The following DNAJC1 variants were observed in gnomAD, a reference collection of about 807,000 sequenced individuals.
The protein encoded by DNAJC1 is dnaJ homolog subfamily C member 1.
Under a neutral mutation model 76.6 loss-of-function variants are expected in DNAJC1, and 58 were observed. That is an observed-to-expected ratio of 0.76 (90% CI 0.61 to 0.94). The LOEUF (loss-of-function observed/expected upper bound fraction) is 0.94, where lower values mean the gene tolerates loss of function less well. DNAJC1 is among the 40% of genes least tolerant of loss of function. The pLI, the probability that DNAJC1 is intolerant of heterozygous loss-of-function variation, is 0.00. For synonymous variants in DNAJC1, 258 were observed against 267.9 expected (o/e 0.96, Z 0.36); for missense variants, 689 against 677.3 (o/e 1.02, Z -0.19).
At chr10:21,857,885 A>C (rs1011031422) in intron 8 of DNAJC1, among the ~76,000 whole-genome samples, 3 of 152,006 alleles carry the variant, frequency 2.0e-5, no homozygotes, top group Admixed American at 6.6e-5. Flanking sequence ...AAAAAAAAAA[A>C]CCGGGTATGT....
intron 8 of DNAJC1, among the ~76,000 whole-genome samples, chr10:21,842,420 C>A (rs1034998334): frequency 6.6e-6 from 1 of 152,110 alleles, no homozygotes; most frequent in Admixed American, 6.6e-5. Flanking sequence ...CCAGGATAAA[C>A]TGGACTTGTA....
At chr10:21,838,861 T>C (rs948346414) in intron 8 of DNAJC1, among the ~76,000 whole-genome samples, 17 of 152,132 alleles carry the variant, frequency 1.1e-4, no homozygotes, top group Non-Finnish European at 2.2e-4. Flanking sequence ...TAAAGCACTC[T>C]TCAGCAAATG....
chr10:21,980,093 A>G (rs1838128887), intron 1 of DNAJC1, among the ~76,000 whole-genome samples: 1 of 152,046 alleles, frequency 6.6e-6, no homozygotes, highest in Non-Finnish European at 1.5e-5. Flanking sequence ...ACACTATTCT[A>G]TATTATTAGC....
chr10:21,769,815 T>C (rs1234129186), intron 9 of DNAJC1, among the ~76,000 whole-genome samples: 1 of 152,078 alleles, frequency 6.6e-6, no homozygotes, highest in Non-Finnish European at 1.5e-5. Context: ...GCCTCCTGAG[T>C]AGCTGGGATT....
chr10:21,904,816 GTA>G lies in DNAJC1; in HGVS notation c.730-206_730-205del, dbSNP rs376199935. Among the ~76,000 whole-genome samples the G allele has an allele frequency of 5.4e-4, 82 of 152,190 alleles. 2 individuals are homozygous for G. The East Asian group carries it at 0.011, about 21-fold the overall frequency. ...CCAGTTACAATGAGAAATTTTATGA[GTA>G]TAATTTTAAACTATTTTTTCTCTCA... On this transcript the variant is annotated intron_variant, in intron 6 of 11. Coordinates refer to ENST00000376980, the MANE Select transcript of DNAJC1 (RefSeq NM_022365.4).
At chr10:21,922,488 A>G (rs954146735) in intron 3 of DNAJC1, among the ~76,000 whole-genome samples, 1 of 152,020 alleles carries the variant, frequency 6.6e-6, no homozygotes, top group African/African-American at 2.4e-5. Context: ...GAGTCTACAA[A>G]GTAATGTATG....
intron 1 of DNAJC1, among the ~76,000 whole-genome samples, chr10:22,002,308 C>G (rs919640334): frequency 6.6e-6 from 1 of 152,112 alleles, no homozygotes; most frequent in African/African-American, 2.4e-5. Flanking sequence ...ACCCCATAAG[C>G]CTGAAATCAG....
chr10:21,922,800 A>G (rs1289642047), intron 3 of DNAJC1, among the ~76,000 whole-genome samples: 3 of 151,992 alleles, frequency 2.0e-5, no homozygotes, highest in South Asian at 2.1e-4. Flanking sequence ...TGAGGGAGAA[A>G]AAAGGTGAAT....
intron 7 of DNAJC1, among the ~76,000 whole-genome samples, chr10:21,885,656 C>G (rs559867691): frequency 6.6e-6 from 1 of 152,114 alleles, no homozygotes; most frequent in African/African-American, 2.4e-5. Flanking sequence ...AACCACAGTG[C>G]AATAAAAACA....
intron 1 of DNAJC1, among the ~76,000 whole-genome samples, chr10:21,989,021 T>A (rs1477266866): frequency 1.3e-5 from 2 of 152,186 alleles, no homozygotes; most frequent in South Asian, 4.1e-4. Flanking sequence ...GGGATTTGAT[T>A]ATTTTAGAAA....
At chr10:21,857,498 T>C (rs1423719497) in intron 8 of DNAJC1, among the ~76,000 whole-genome samples, 1 of 152,162 alleles carries the variant, frequency 6.6e-6, no homozygotes, top group Non-Finnish European at 1.5e-5. Flanking sequence ...TTTTGTATCA[T>C]TCTTTAATAT....
At chr10:21,794,864 C>T (rs1834734937) in intron 9 of DNAJC1, among the ~76,000 whole-genome samples, 1 of 152,038 alleles carries the variant, frequency 6.6e-6, no homozygotes, top group South Asian at 2.1e-4. Flanking sequence ...AGTATTCCTT[C>T]TCCAAAATGC....
At chr10:21,879,471 A>T (rs972401902) in intron 8 of DNAJC1, among the ~76,000 whole-genome samples, 1 of 152,094 alleles carries the variant, frequency 6.6e-6, no homozygotes, top group African/African-American at 2.4e-5. Context: ...CAAAAGTACA[A>T]AAATCAGCAG....
intron 9 of DNAJC1, among the ~76,000 whole-genome samples, chr10:21,769,108 C>T (rs1013770074): frequency 6.6e-6 from 1 of 152,134 alleles, no homozygotes; most frequent in Non-Finnish European, 1.5e-5. Context: ...AGAAGTGTTC[C>T]TCAACATTCT....
chr10:21,830,099 T>C (rs1375202746), intron 8 of DNAJC1, among the ~76,000 whole-genome samples: 1 of 152,226 alleles, frequency 6.6e-6, no homozygotes, highest in Non-Finnish European at 1.5e-5. Flanking sequence ...TTAGTTTTAG[T>C]TTGTTTTACC....
intron 9 of DNAJC1, among the ~76,000 whole-genome samples, chr10:21,795,210 A>T (rs933485741): frequency 1.3e-5 from 2 of 152,248 alleles, no homozygotes; most frequent in African/African-American, 2.4e-5. Context: ...TGTTCATGGC[A>T]GTATTATTCT....
chr10:21,877,218 G>A (rs146726501), intron 8 of DNAJC1, among the ~76,000 whole-genome samples: 1,756 of 152,124 alleles, frequency 0.012, 18 homozygotes, highest in Non-Finnish European at 0.02. Flanking sequence ...AGGCTGCAGG[G>A]AGCCGTGATT....
intron 9 of DNAJC1, among the ~76,000 whole-genome samples, chr10:21,793,308 T>G (rs1290041245): frequency 6.6e-6 from 1 of 152,040 alleles, no homozygotes; most frequent in South Asian, 2.1e-4. Flanking sequence ...ATCTCAGGGG[T>G]TGGGGGGCCG....
rs868785868 is a variant in DNAJC1, at chr10:21,918,660, A to G, written c.729+119T>C. On this transcript the variant is annotated intron_variant, in intron 6 of 11. Coordinates refer to ENST00000376980, the MANE Select transcript of DNAJC1 (RefSeq NM_022365.4). ...GTTTAACTTATAAAAATCCTACTCA[A>G]TCAACATTATAAAGCATCCACTGCA... The G allele has an allele frequency of 4.6e-5, 30 of 646,990 alleles. No homozygotes were observed. The Middle Eastern group carries it at 2.3e-3, about 50-fold the overall frequency. 40.1% of individuals were successfully genotyped at this position (646,990 alleles called of 1,614,324 possible).
Sources: allele counts gnomAD v4.1 joint callset (sites outside exome capture counted in the v4.1 genomes callset), GRCh38; gene constraint gnomAD v4.1.1; transcripts MANE v1.5; gene names NCBI Gene and HGNC (gene_info 2026-07-23, HGNC 2026-07-21).